The following BCAS1 variants were observed in gnomAD, a reference collection of about 807,000 sequenced individuals.
BCAS1 encodes the protein brain enriched myelin associated protein 1.
Under a neutral mutation model 65.4 loss-of-function variants are expected in BCAS1, and 46 were observed. That is an observed-to-expected ratio of 0.70 (90% confidence interval 0.55 to 0.90). The LOEUF (loss-of-function observed/expected upper bound fraction) is 0.90, where lower values mean the gene tolerates loss of function less well. Among genes scored for constraint, BCAS1 ranks in the 40% least tolerant of loss-of-function variants. The pLI is 0.00. For synonymous variants in BCAS1, 298 were observed against 293.5 expected (o/e 1.02, Z -0.16); for missense variants, 793 against 771.2 (o/e 1.03, Z -0.33).
chr20:53,945,548 C>A (rs1314070915), intron 12 of BCAS1, among the ~76,000 whole-genome samples: 1 of 152,042 alleles, frequency 6.6e-6, no homozygotes, highest in East Asian at 1.9e-4. Context: ...TGCTATCCTT[C>A]CCCCAACCCC....
rs1009830521 is a variant in BCAS1, at chr20:54,036,289, TA to T, written c.143-7318del. 4.6e-5 allele frequency among the ~76,000 whole-genome samples: 7 copies of T among 151,222 alleles called. 1 individual carries two copies. Among genetic ancestry groups the T allele is most frequent in the Non-Finnish European group, 1.0e-4 (7 of 67,610 alleles). ...CCAAAGAGATGTTACTTTTCATTTT[TA>T]AAAAAGTCAAAGAATTTAAGGAAAA... On this transcript the variant is annotated intron_variant, in intron 3 of 12. Coordinates refer to ENST00000688948, the MANE Select transcript of BCAS1 (RefSeq NM_001366298.2).
intron 12 of BCAS1, among the ~76,000 whole-genome samples, 192 bp downstream of exon 12, chr20:53,953,240 C>T (rs560302115): frequency 6.6e-6 from 1 of 152,280 alleles, no homozygotes; most frequent in Admixed American, 6.5e-5. Context: ...CAATAATTTG[C>T]TCAAGGTCTC....
intron 1 of BCAS1, among the ~76,000 whole-genome samples, chr20:54,067,068 A>G (rs1464880484): frequency 6.6e-6 from 1 of 152,202 alleles, no homozygotes; most frequent in Non-Finnish European, 1.5e-5. Flanking sequence ...AGGAATATAT[A>G]TGGTACAATC....
chr20:53,950,721 C>T (rs995694315), intron 12 of BCAS1, among the ~76,000 whole-genome samples: 25 of 152,302 alleles, frequency 1.6e-4, no homozygotes, highest in African/African-American at 4.6e-4. Flanking sequence ...ATACCTCCAG[C>T]GCCTAGTTCA....
intron 4 of BCAS1, among the ~76,000 whole-genome samples, chr20:54,009,244 T>G (rs563654509): frequency 3.9e-5 from 6 of 152,088 alleles, no homozygotes; most frequent in African/African-American, 1.4e-4. Context: ...AATGGAAATT[T>G]TAGAATTGAA....
chr20:54,017,441 G>A (rs2146004792), intron 4 of BCAS1, among the ~76,000 whole-genome samples: 1 of 150,772 alleles, frequency 6.6e-6, no homozygotes, highest in South Asian at 2.1e-4. Context: ...TGTTGCCCAG[G>A]CTGGAGTGCA....
At chr20:53,950,570 T>C (rs1037844039) in intron 12 of BCAS1, among the ~76,000 whole-genome samples, 1 of 152,230 alleles carries the variant, frequency 6.6e-6, no homozygotes, top group South Asian at 2.1e-4. Flanking sequence ...ATTTTGTCTT[T>C]AATTTTGTAA....
At chr20:54,038,201 T>C (rs1478496488) in intron 3 of BCAS1, among the ~76,000 whole-genome samples, 1 of 151,270 alleles carries the variant, frequency 6.6e-6, no homozygotes. Context: ...GCTAAGATCT[T>C]CCTATGGTTA....
chr20:53,981,303 A>G (rs1965865831), intron 8 of BCAS1, among the ~76,000 whole-genome samples: 1 of 152,152 alleles, frequency 6.6e-6, no homozygotes, highest in African/African-American at 2.4e-5. Flanking sequence ...ATATGCCCAG[A>G]CTTTCTTAAC....
At position 53,956,065 on chromosome 20, in the gene BCAS1, T is replaced by C. The variant is rs117886022; in HGVS notation, c.1551+1367A>G. On this transcript the variant is annotated intron_variant, in intron 11 of 12. Transcript: ENST00000688948. ...GTGTGATATGGGCAACATTATAAGA[T>C]GGAAATTCCCTATCAGCAGCATAAT... Among the ~76,000 whole-genome samples the C allele has an allele frequency of 7.2e-3, 1,102 of 152,330 alleles. 9 individuals carry two copies. Among genetic ancestry groups the C allele is most frequent in the South Asian group, 0.042 (201 of 4,824 alleles).
At chr20:53,985,200 G>T in intron 8 of BCAS1, 87 bp downstream of exon 8, 1 of 1,287,310 alleles carries the variant, frequency 7.8e-7, no homozygotes. Context: ...TCCATACATT[G>T]TTGAGTACAA....
chr20:54,041,300 T>G (rs370732597), intron 3 of BCAS1, among the ~76,000 whole-genome samples: 1 of 151,326 alleles, frequency 6.6e-6, no homozygotes, highest in African/African-American at 2.4e-5. Flanking sequence ...GAATTGTCAC[T>G]CTAAAAGGTG....
chr20:53,948,540 G>GTAGC (rs1330256894), intron 12 of BCAS1, among the ~76,000 whole-genome samples: 1 of 152,154 alleles, frequency 6.6e-6, no homozygotes, highest in Non-Finnish European at 1.5e-5. Context: ...TGCCCTTCAG[G>GTAGC]TAGCCACAGA....
At chr20:53,993,829 A>G (rs1179684555) in intron 6 of BCAS1, among the ~76,000 whole-genome samples, 1 of 152,240 alleles carries the variant, frequency 6.6e-6, no homozygotes, top group Non-Finnish European at 1.5e-5. Context: ...CCAATGGAAG[A>G]AGAAAATTCT....
intron 11 of BCAS1, among the ~76,000 whole-genome samples, chr20:53,955,138 G>T (rs1450494111): frequency 2.0e-5 from 3 of 152,202 alleles, no homozygotes; most frequent in Non-Finnish European, 4.4e-5. Context: ...AACTGTAGGA[G>T]AACTTTCTTT....
At chr20:54,019,601 T>C (rs937302879) in intron 4 of BCAS1, among the ~76,000 whole-genome samples, 3 of 152,102 alleles carry the variant, frequency 2.0e-5, no homozygotes, top group Non-Finnish European at 4.4e-5. Context: ...GAGATTAACA[T>C]TTGAGTCAGC....
chr20:53,975,892 G>A (rs1478257559), intron 8 of BCAS1, among the ~76,000 whole-genome samples: 1 of 152,128 alleles, frequency 6.6e-6, no homozygotes, highest in Non-Finnish European at 1.5e-5. Context: ...GAGCAAGCAG[G>A]CTTTATAATA....
At chr20:53,962,593 T>A (rs150788813) in intron 10 of BCAS1, among the ~76,000 whole-genome samples, 45 of 152,314 alleles carry the variant, frequency 3.0e-4, no homozygotes, top group African/African-American at 9.6e-4. Context: ...TTCTACCCAC[T>A]CACTTTATAA....
chr20:54,002,207 C>T (rs2091073999), intron 4 of BCAS1, among the ~76,000 whole-genome samples: 2 of 152,130 alleles, frequency 1.3e-5, no homozygotes, highest in Admixed American at 6.5e-5. Context: ...CCACCTTGGG[C>T]TCAGGGAGCC....
Sources: gnomAD v4.1 joint callset for allele counts (sites outside exome capture counted in the v4.1 genomes callset) on GRCh38, gnomAD v4.1.1 for gene constraint, MANE v1.5 for transcripts, NCBI Gene and HGNC (gene_info 2026-07-23, HGNC 2026-07-21) for gene names.